Variants in CDK14 observed in about 807,000 individuals in gnomAD.
CDK14 encodes cyclin dependent kinase 14.
In CDK14, 34 loss-of-function variants were observed where a neutral mutation model predicts 60.7. The ratio of observed to expected loss-of-function variants is 0.56; its 90% CI spans 0.43 to 0.75. CDK14 has a LOEUF of 0.75. Ranked by LOEUF, CDK14 falls within the 30% of genes least tolerant of loss-of-function variation. The pLI, the probability that CDK14 is intolerant of heterozygous loss-of-function variation, is 0.00. For missense variants in CDK14, 482 were observed against 564.1 expected (o/e 0.85, Z 1.47); for synonymous variants, 197 against 203.7 (o/e 0.97, Z 0.28).
At chr7:91,016,051 C>CTA (rs1053674647) in intron 10 of CDK14, among the ~76,000 whole-genome samples, 24 of 152,036 alleles carry the variant, frequency 1.6e-4, no homozygotes, top group African/African-American at 5.8e-4. Flanking sequence ...TGAGCAATGC[C>CTA]TATATGAACC....
chr7:90,949,026 T>C (rs1794178290), intron 8 of CDK14, among the ~76,000 whole-genome samples: 1 of 152,230 alleles, frequency 6.6e-6, no homozygotes, highest in African/African-American at 2.4e-5. Context: ...ATATTGTTTT[T>C]ATTTTCTATG....
chr7:91,067,331 A>T (rs536491030), intron 11 of CDK14, among the ~76,000 whole-genome samples: 2 of 152,362 alleles, frequency 1.3e-5, no homozygotes, highest in Admixed American at 1.3e-4. Flanking sequence ...AAATGCCTCC[A>T]TTTGAAATCA....
At chr7:91,127,640 A>C (rs546217749) in intron 14 of CDK14, among the ~76,000 whole-genome samples, 1 of 152,242 alleles carries the variant, frequency 6.6e-6, no homozygotes, top group East Asian at 1.9e-4. Context: ...ACTGTGTCCT[A>C]TTTTGGTACA....
intron 2 of CDK14, among the ~76,000 whole-genome samples, chr7:90,635,535 A>G (rs1228142594): frequency 2.0e-5 from 3 of 152,200 alleles, no homozygotes; most frequent in Non-Finnish European, 4.4e-5. Context: ...TGGTTACTGT[A>G]GCCTTGTAGT....
chr7:90,928,250 G>C (rs1285413341), intron 8 of CDK14, among the ~76,000 whole-genome samples: 2 of 152,168 alleles, frequency 1.3e-5, no homozygotes, highest in Non-Finnish European at 2.9e-5. Context: ...GTCCAGCTTT[G>C]TTCCATTGCT....
intron 5 of CDK14, among the ~76,000 whole-genome samples, chr7:90,813,803 A>G (rs1253890936): frequency 6.6e-6 from 1 of 152,228 alleles, no homozygotes; most frequent in Non-Finnish European, 1.5e-5. Context: ...TAGGGTCCGA[A>G]GAATGTAAAA....
rs140067826 is a variant in CDK14, at chr7:91,034,507, G to A, written c.1042-11390G>A. On this transcript the variant is annotated intron_variant, in intron 10 of 14. Transcript: ENST00000380050. The stretch of plus-strand genomic sequence containing the variant: ...CCCTAAGAGCTGTTTTTCTGTGTGT[G>A]TGTTGCTTCCTATATAAACCTTTGC... Among the ~76,000 whole-genome samples the A allele has an allele frequency of 1.9e-4, 29 of 152,140 alleles. 1 individual carries two copies. The East Asian group carries it at 5.6e-3, about 29-fold the overall frequency.
intron 4 of CDK14, among the ~76,000 whole-genome samples, chr7:90,785,055 A>G (rs1185279902): frequency 1.3e-5 from 2 of 152,216 alleles, no homozygotes; most frequent in African/African-American, 2.4e-5. Context: ...TTCTAGACCA[A>G]TACCGCAAGG....
chr7:91,115,796 C>T (rs139435977), intron 13 of CDK14, among the ~76,000 whole-genome samples: 349 of 152,256 alleles, frequency 2.3e-3, no homozygotes, highest in Non-Finnish European at 3.5e-3. Context: ...AGTGAAATTA[C>T]GGGCTTATGT....
At chr7:90,768,527 C>G (rs1276924213) in intron 4 of CDK14, among the ~76,000 whole-genome samples, 1 of 152,220 alleles carries the variant, frequency 6.6e-6, no homozygotes, top group East Asian at 1.9e-4. Flanking sequence ...AGTTGGGCGT[C>G]TCAGTTTCTC....
At chr7:90,783,683 ACAT>A (rs1562768146) in intron 4 of CDK14, among the ~76,000 whole-genome samples, 1 of 152,192 alleles carries the variant, frequency 6.6e-6, no homozygotes, top group Non-Finnish European at 1.5e-5. Flanking sequence ...AAAATGCTCA[ACAT>A]CATTAAAAAT....
chr7:91,111,258 A>G (rs1275480167), intron 12 of CDK14, among the ~76,000 whole-genome samples: 2 of 151,994 alleles, frequency 1.3e-5, no homozygotes, highest in Admixed American at 1.3e-4. Context: ...TCATACCCCC[A>G]TCCCCAACAA....
At chr7:90,731,611 G>A (rs1284134357) in intron 3 of CDK14, among the ~76,000 whole-genome samples, 2 of 152,110 alleles carry the variant, frequency 1.3e-5, no homozygotes, top group Non-Finnish European at 2.9e-5. Context: ...AATTGTGAAT[G>A]GGAGTTCACT....
intron 14 of CDK14, among the ~76,000 whole-genome samples, chr7:91,146,460 C>T (rs908979316): frequency 6.6e-6 from 1 of 152,140 alleles, no homozygotes; most frequent in Non-Finnish European, 1.5e-5. Flanking sequence ...CTCAGCCTCC[C>T]ACAGTGCTAG....
intron 2 of CDK14, among the ~76,000 whole-genome samples, chr7:90,630,668 C>T (rs570770681): frequency 3.3e-5 from 5 of 152,174 alleles, no homozygotes; most frequent in Non-Finnish European, 7.4e-5. Flanking sequence ...CACTAATACA[C>T]GTTTGTAGGA....
At chr7:91,153,970 G>A (rs1375072692) in intron 14 of CDK14, among the ~76,000 whole-genome samples, 2 of 152,186 alleles carry the variant, frequency 1.3e-5, no homozygotes, top group Non-Finnish European at 2.9e-5. Flanking sequence ...TATGGAAGTA[G>A]TGGGATTTGA....
At chr7:90,614,006 C>CT (rs34900577) in intron 2 of CDK14, among the ~76,000 whole-genome samples, 3,443 of 130,798 alleles carry the variant, frequency 0.026, 128 homozygotes, top group African/African-American at 0.062. Flanking sequence ...GTCCCAAACA[C>CT]TTTTTTTTTT....
intron 10 of CDK14, among the ~76,000 whole-genome samples, chr7:91,044,140 C>T (rs1797168413): frequency 6.6e-6 from 1 of 151,784 alleles, no homozygotes; most frequent in African/African-American, 2.4e-5. Flanking sequence ...CCAAGGTTGT[C>T]AGGCTGCAGC....
At chr7:90,836,816 A>G (rs533392788) in intron 5 of CDK14, among the ~76,000 whole-genome samples, 173 of 152,346 alleles carry the variant, frequency 1.1e-3, no homozygotes, top group African/African-American at 4.1e-3. Context: ...CATGACCATG[A>G]CATTAGTAGG....
Sources: gnomAD v4.1 joint callset for allele counts (sites outside exome capture counted in the v4.1 genomes callset) on GRCh38, gnomAD v4.1.1 for gene constraint, MANE v1.5 for transcripts, NCBI Gene and HGNC (gene_info 2026-07-23, HGNC 2026-07-21) for gene names.